The following CSMD1 variants were observed in gnomAD, a reference collection of about 807,000 sequenced individuals.
The protein encoded by CSMD1 is CUB and sushi domain-containing protein 1.
A neutral mutation model predicts 417.5 loss-of-function variants in CSMD1; 213 were observed. That is an observed-to-expected ratio of 0.51 (90% CI 0.46 to 0.57). The LOEUF is 0.57. Ranked by LOEUF, CSMD1 falls within the 20% of genes least tolerant of loss-of-function variation. The probability of loss-of-function intolerance (pLI) is 0.00; values close to 1 mark genes in which losing one functional copy is unlikely to be tolerated. For synonymous variants in CSMD1, 2,862 were observed against 1,736.8 expected (o/e 1.65, Z -16.11); for missense variants, 6,923 against 4,529.7 (o/e 1.53, Z -15.17).
chr8:3,680,887 C>A (rs530457776), intron 7 of CSMD1, among the ~76,000 whole-genome samples: 3 of 152,100 alleles, frequency 2.0e-5, no homozygotes, highest in African/African-American at 4.8e-5. Flanking sequence ...GTTCAATATA[C>A]GCAAATCAGT....
At chr8:4,825,509 C>A (rs1799773483) in intron 1 of CSMD1, among the ~76,000 whole-genome samples, 1 of 151,938 alleles carries the variant, frequency 6.6e-6, no homozygotes, top group Admixed American at 6.6e-5. Context: ...TTTTTCCTTC[C>A]CCTGGCCCCT....
intron 3 of CSMD1, among the ~76,000 whole-genome samples, chr8:4,123,388 C>G (rs952880818): frequency 1.3e-5 from 2 of 152,186 alleles, no homozygotes; most frequent in Admixed American, 1.3e-4. Flanking sequence ...TAATTCTTAT[C>G]TGGGTGTGCC....
intron 5 of CSMD1, among the ~76,000 whole-genome samples, chr8:3,875,878 C>A (rs551913475): frequency 2.6e-5 from 4 of 152,264 alleles, no homozygotes; most frequent in African/African-American, 9.6e-5. Flanking sequence ...GTGTTCCAAA[C>A]TTGGTAGGAA....
intron 17 of CSMD1, among the ~76,000 whole-genome samples, chr8:3,392,972 C>A (rs908226184): frequency 5.3e-5 from 8 of 152,134 alleles, no homozygotes; most frequent in Non-Finnish European, 1.0e-4. Context: ...AAATCCCAGG[C>A]CTTTCCTGAC....
chr8:4,701,166 G>T (rs147219750), intron 1 of CSMD1, among the ~76,000 whole-genome samples: 10 of 152,164 alleles, frequency 6.6e-5, no homozygotes, highest in Non-Finnish European at 1.2e-4. Context: ...CTCCCCCACA[G>T]CTAGGGGAGA....
chr8:3,315,492 G>T (rs1335730076), intron 23 of CSMD1, among the ~76,000 whole-genome samples: 1 of 147,454 alleles, frequency 6.8e-6, no homozygotes, highest in African/African-American at 2.5e-5. Context: ...AATTATTTAT[G>T]GTTTTTTAAG....
At chr8:4,099,365 T>C (rs1436497404) in intron 3 of CSMD1, among the ~76,000 whole-genome samples, 1 of 152,222 alleles carries the variant, frequency 6.6e-6, no homozygotes, top group Non-Finnish European at 1.5e-5. Flanking sequence ...TCATAAAATC[T>C]GGTAATCACG....
intron 3 of CSMD1, among the ~76,000 whole-genome samples, chr8:4,185,043 G>A (rs551998395): frequency 2.0e-5 from 3 of 150,712 alleles, no homozygotes; most frequent in South Asian, 4.2e-4. Context: ...GGAGGCTGAG[G>A]CAGGAGAATG....
At chr8:3,077,105 T>C (rs1262553445) in intron 49 of CSMD1, among the ~76,000 whole-genome samples, 1 of 152,158 alleles carries the variant, frequency 6.6e-6, no homozygotes, top group African/African-American at 2.4e-5. Context: ...CCTGCACGTC[T>C]GGTATGTATT....
intron 3 of CSMD1, among the ~76,000 whole-genome samples, chr8:4,190,959 G>GC (rs1798990353): frequency 6.6e-6 from 1 of 151,848 alleles, no homozygotes; most frequent in African/African-American, 2.4e-5. Context: ...AGAGTGGGGG[G>GC]GGCGGGGAAG....
chr8:4,862,920 A>T lies in CSMD1; in HGVS notation c.85+131412T>A, dbSNP rs568488470. On this transcript the variant is annotated intron_variant, in intron 1 of 69. Transcript: ENST00000635120. ...GAGCCGTGGGAGACACAGCACCAAG[A>T]GAGGCTGGAGGGAAACTAAGAGAGA... 3.2e-3 allele frequency among the ~76,000 whole-genome samples: 482 copies of T among 152,060 alleles called. 1 individual carries two copies. The highest frequency in any genetic ancestry group is 5.9e-3 in the Non-Finnish European group (398 of 68,004).
chr8:4,035,971 G>A (rs530613736), intron 3 of CSMD1, among the ~76,000 whole-genome samples: 31 of 152,206 alleles, frequency 2.0e-4, no homozygotes, highest in Non-Finnish European at 3.4e-4. Context: ...CTATGAGAGT[G>A]TAACACTTTT....
chr8:3,379,341 T>C (rs1810495419), intron 18 of CSMD1, among the ~76,000 whole-genome samples: 1 of 152,166 alleles, frequency 6.6e-6, no homozygotes, highest in Non-Finnish European at 1.5e-5. Flanking sequence ...TTTATAGATT[T>C]ATTGCTATCC....
chr8:3,249,681 G>A (rs893542933), intron 26 of CSMD1, among the ~76,000 whole-genome samples: 2 of 152,150 alleles, frequency 1.3e-5, no homozygotes, highest in African/African-American at 4.8e-5. Flanking sequence ...AACATGTAAT[G>A]TAAATTTTGA....
intron 5 of CSMD1, among the ~76,000 whole-genome samples, chr8:3,764,389 C>A (rs1798158977): frequency 6.6e-6 from 1 of 152,178 alleles, no homozygotes; most frequent in African/African-American, 2.4e-5. Context: ...TGAAATACCA[C>A]AAACATAATC....
chr8:3,292,984 T>G (rs1803691809), intron 25 of CSMD1, among the ~76,000 whole-genome samples: 1 of 152,174 alleles, frequency 6.6e-6, no homozygotes, highest in South Asian at 2.1e-4. Context: ...CTTTCCATGT[T>G]TAGTGCTTCC....
chr8:3,348,969 A>G (rs949686904), intron 21 of CSMD1, among the ~76,000 whole-genome samples: 33 of 152,222 alleles, frequency 2.2e-4, no homozygotes, highest in Non-Finnish European at 4.7e-4. Flanking sequence ...ACAGAAAAAT[A>G]AAGTGGCTAC....
At chr8:3,507,295 T>A (rs1242072994) in intron 10 of CSMD1, among the ~76,000 whole-genome samples, 1 of 152,078 alleles carries the variant, frequency 6.6e-6, no homozygotes, top group Non-Finnish European at 1.5e-5. Context: ...ACTAAGAATA[T>A]TTTTTAGCTT....
chr8:4,161,052 C>G (rs1046941726), intron 3 of CSMD1, among the ~76,000 whole-genome samples: 1 of 151,816 alleles, frequency 6.6e-6, no homozygotes, highest in Non-Finnish European at 1.5e-5. Context: ...AAAAACTGAG[C>G]AGTCCCAGAT....
Sources: allele counts gnomAD v4.1 joint callset (sites outside exome capture counted in the v4.1 genomes callset), GRCh38; gene constraint gnomAD v4.1.1; transcripts MANE v1.5; gene names NCBI Gene and HGNC (gene_info 2026-07-23, HGNC 2026-07-21).